GALK2: variants seen among roughly 807,000 people sequenced by gnomAD.
GALK2 encodes N-acetylgalactosamine kinase.
Under a neutral mutation model 52.4 loss-of-function variants are expected in GALK2, and 36 were observed. The observed-to-expected ratio is 0.69, with a 90% CI of 0.53 to 0.91. GALK2 has a LOEUF of 0.91. GALK2 is among the 40% of genes least tolerant of loss of function. GALK2 has a pLI of 0.00. For missense variants in GALK2, 579 were observed against 559.1 expected, an observed-to-expected ratio of 1.04 and a Z score of -0.36; for synonymous variants, 176 against 199.1, an observed-to-expected ratio of 0.88 and a Z score of 0.98.
At chr15:49,170,091 G>A, upstream of GALK2, 2 of 907,100 alleles carry the variant, frequency 2.2e-6, no homozygotes, top group Non-Finnish European at 1.6e-6. Flanking sequence ...AGAGCAGGAC[G>A]GAGGCTGTAC....
chr15:49,223,665 T>C (rs944890977), intron 3 of GALK2, among the ~76,000 whole-genome samples: 8 of 152,196 alleles, frequency 5.3e-5, no homozygotes, highest in Non-Finnish European at 1.0e-4. Flanking sequence ...CCTGTGTTAA[T>C]TTGCTTAGGA....
chr15:49,298,922 A>C (rs1349656222), intron 8 of GALK2, among the ~76,000 whole-genome samples: 1 of 152,202 alleles, frequency 6.6e-6, no homozygotes, highest in Non-Finnish European at 1.5e-5. Flanking sequence ...CTGGCCTTAT[A>C]GAATGAGTTA....
intron 5 of GALK2, among the ~76,000 whole-genome samples, chr15:49,249,663 C>G (rs1384735099): frequency 2.0e-5 from 3 of 152,112 alleles, no homozygotes; most frequent in Non-Finnish European, 4.4e-5. Flanking sequence ...GACTCTCCTC[C>G]CTGTCTAATT....
exon 4 of GALK2, chr15:49,367,536 A>C: frequency 6.2e-7 from 1 of 1,607,458 alleles, no homozygotes; most frequent in South Asian, 1.1e-5. Context: ...AGATAATATA[A>C]AATCAATGGA....
chr15:49,336,965 T>C (rs1341643259), intron 3 of GALK2, among the ~76,000 whole-genome samples: 1 of 152,194 alleles, frequency 6.6e-6, no homozygotes, highest in African/African-American at 2.4e-5. Context: ...TATTTGGTGT[T>C]ATTTACTTAG....
chr15:49,174,244 G>A (rs942449062), intron 1 of GALK2, among the ~76,000 whole-genome samples: 1 of 152,116 alleles, frequency 6.6e-6, no homozygotes, highest in African/African-American at 2.4e-5. Flanking sequence ...TTATGAAAAT[G>A]GAAGCAGAGC....
At chr15:49,246,881 G>A (rs1310581829) in intron 5 of GALK2, among the ~76,000 whole-genome samples, 3 of 152,296 alleles carry the variant, frequency 2.0e-5, no homozygotes, top group South Asian at 4.1e-4. Flanking sequence ...TATGCCATGC[G>A]TTGTTCTAGG....
intron 9 of GALK2, among the ~76,000 whole-genome samples, chr15:49,323,547 A>G: frequency 6.6e-6 from 1 of 152,208 alleles, no homozygotes; most frequent in East Asian, 1.9e-4. Flanking sequence ...AACTATTTGT[A>G]TGAAAAGACA....
chr15:49,348,269 A>AT (rs1404815093), intron 3 of GALK2, among the ~76,000 whole-genome samples: 1 of 152,176 alleles, frequency 6.6e-6, no homozygotes, highest in Non-Finnish European at 1.5e-5. Context: ...TACCCTCCAC[A>AT]AAGCTATTCC....
intron 4 of GALK2, among the ~76,000 whole-genome samples, chr15:49,239,004 CAAG>C (rs550942328): frequency 6.5e-4 from 99 of 151,952 alleles, no homozygotes; most frequent in African/African-American, 2.2e-3. Flanking sequence ...ACATTCAAGG[CAAG>C]AAAATTAAAG....
intron 9 of GALK2, among the ~76,000 whole-genome samples, chr15:49,325,820 CAGT>C (rs986227784): frequency 6.6e-6 from 1 of 152,198 alleles, no homozygotes; most frequent in African/African-American, 2.4e-5. Context: ...TCTGGAGACT[CAGT>C]AGCAAATATC....
At chr15:49,273,866 TGAAAC>T (rs778917754) in intron 5 of GALK2, among the ~76,000 whole-genome samples, 2 of 152,180 alleles carry the variant, frequency 1.3e-5, no homozygotes, top group Non-Finnish European at 2.9e-5. Flanking sequence ...TTTATCTAGA[TGAAAC>T]AGTCAGGGTT....
chr15:49,324,436 C>CCCCTT, intron 9 of GALK2, among the ~76,000 whole-genome samples: 1 of 150,370 alleles, frequency 6.7e-6, no homozygotes, highest in African/African-American at 2.5e-5. Flanking sequence ...CATTTCACCT[C>CCCCTT]CCCTTAGGGG....
At chr15:49,222,648 A>C (rs1166400223) in intron 3 of GALK2, among the ~76,000 whole-genome samples, 1 of 152,116 alleles carries the variant, frequency 6.6e-6, no homozygotes, top group Non-Finnish European at 1.5e-5. Flanking sequence ...TATTGAGATG[A>C]TTATGTGGTT....
chr15:49,167,927 T>C (rs1437897812), upstream of GALK2, among the ~76,000 whole-genome samples: 1 of 152,218 alleles, frequency 6.6e-6, no homozygotes, highest in African/African-American at 2.4e-5. Context: ...ATGAAAATTA[T>C]AATGTACACA....
At chr15:49,213,783 TA>T (rs2141366764) in intron 2 of GALK2, among the ~76,000 whole-genome samples, 1 of 152,258 alleles carries the variant, frequency 6.6e-6, no homozygotes, top group South Asian at 2.1e-4. Flanking sequence ...TTCCTTTGTG[TA>T]AAAGTGACTT....
Position 49,328,609 on chromosome 15 carries a change from ATGG to A in GALK2, c.*453_*455del. 6.3e-7 allele frequency: 1 copy of A among 1,592,296 alleles called. No individual in the cohort carries two copies. The highest frequency in any genetic ancestry group is 8.6e-7 in the Non-Finnish European group (1 of 1,165,958). On this transcript the variant is annotated 3_prime_UTR_variant, in exon 10 of 10. Coordinates refer to ENST00000560031, the MANE Select transcript of GALK2 (RefSeq NM_002044.4). ...TCAAAGTTGTAGTTGTCTGTTGATG[ATGG>A]TGATGATGATGATGATGACGATAGT...
intron 9 of GALK2, among the ~76,000 whole-genome samples, chr15:49,320,538 G>A (rs1360657591): frequency 6.6e-6 from 1 of 152,222 alleles, no homozygotes; most frequent in Non-Finnish European, 1.5e-5. Context: ...AACGCTAGAT[G>A]TTACTTCACT....
chr15:49,339,625 G>A (rs2040358096), intron 3 of GALK2, among the ~76,000 whole-genome samples: 1 of 152,192 alleles, frequency 6.6e-6, no homozygotes, highest in Admixed American at 6.5e-5. Flanking sequence ...GAGAAGGTAG[G>A]CTGTCCCTTA....
Sources: allele counts gnomAD v4.1 joint callset (sites outside exome capture counted in the v4.1 genomes callset), GRCh38; gene constraint gnomAD v4.1.1; transcripts MANE v1.5; gene names NCBI Gene and HGNC (gene_info 2026-07-23, HGNC 2026-07-21).